Variants in MACROD2 observed in about 807,000 individuals in gnomAD.
MACROD2 encodes mono-ADP ribosylhydrolase 2.
MACROD2 carries 36 observed loss-of-function variants against 70.4 expected under a neutral mutation model. That is an observed-to-expected ratio of 0.51 (90% CI 0.39 to 0.68). MACROD2 has a LOEUF of 0.68. Among genes scored for constraint, MACROD2 ranks in the 30% least tolerant of loss-of-function variants. The probability of loss-of-function intolerance (pLI) is 0.00; values close to 1 mark genes in which losing one functional copy is unlikely to be tolerated. For synonymous variants in MACROD2, 172 were observed against 178.8 expected (o/e 0.96, Z 0.30); for missense variants, 496 against 538.4 (o/e 0.92, Z 0.78).
chr20:15,021,105 CGTGTATGTGT>C (rs2075167704), intron 5 of MACROD2, among the ~76,000 whole-genome samples: 1 of 123,752 alleles, frequency 8.1e-6, no homozygotes, highest in Non-Finnish European at 1.7e-5. Context: ...TGTGTATACA[CGTGTATGTGT>C]ATACACGTGT....
chr20:15,894,212 C>T (rs542556639), intron 10 of MACROD2, among the ~76,000 whole-genome samples: 10 of 152,294 alleles, frequency 6.6e-5, no homozygotes, highest in African/African-American at 1.4e-4. Flanking sequence ...CCGGGGCTTC[C>T]GGTGCTAAGT....
intron 3 of MACROD2, among the ~76,000 whole-genome samples, chr20:14,364,022 T>C (rs996498664): frequency 2.0e-5 from 3 of 151,934 alleles, no homozygotes; most frequent in East Asian, 1.9e-4. Context: ...ATCCGAACTC[T>C]AGGGGTTTGG....
At chr20:15,530,428 GT>G (rs1412969014) in intron 8 of MACROD2, among the ~76,000 whole-genome samples, 1 of 151,966 alleles carries the variant, frequency 6.6e-6, no homozygotes, top group South Asian at 2.1e-4. Flanking sequence ...TTTCCAAGCT[GT>G]TTTTTTAATT....
At chr20:14,931,088 C>T (rs1465666150) in intron 5 of MACROD2, among the ~76,000 whole-genome samples, 1 of 151,958 alleles carries the variant, frequency 6.6e-6, no homozygotes, top group Non-Finnish European at 1.5e-5. Context: ...AGATGAGGTC[C>T]TTATTCTAGT....
intron 4 of MACROD2, among the ~76,000 whole-genome samples, chr20:14,638,315 A>G (rs1984895972): frequency 6.6e-6 from 1 of 152,308 alleles, no homozygotes; most frequent in Non-Finnish European, 1.5e-5. Flanking sequence ...AATTTCTCTC[A>G]GTTATGACTA....
rs181383143 is a variant in MACROD2 at position 15,171,940 on chromosome 20, T to G, written c.419-58000T>G. 7.8e-4 allele frequency among the ~76,000 whole-genome samples: 119 copies of G among 152,348 alleles called. 1 individual carries two copies. Among genetic ancestry groups the G allele is most frequent in the African/African-American group, 2.6e-3 (107 of 41,580 alleles). ...TACCTTGCACATGGAAGGTGCTTATTAAATTCTTCCTGAATAAATAAATGA... is the reference window on the plus strand; with the variant it reads ...TACCTTGCACATGGAAGGTGCTTATGAAATTCTTCCTGAATAAATAAATGA... On this transcript the variant is annotated intron_variant, in intron 5 of 17. Coordinates refer to ENST00000684519, the MANE Select transcript of MACROD2 (RefSeq NM_001351661.2).
At chr20:15,616,091 C>G (rs1310256941) in intron 8 of MACROD2, among the ~76,000 whole-genome samples, 1 of 150,216 alleles carries the variant, frequency 6.7e-6, no homozygotes, top group Non-Finnish European at 1.5e-5. Flanking sequence ...TCCATCAGTT[C>G]CCCATTCTTT....
intron 8 of MACROD2, among the ~76,000 whole-genome samples, chr20:15,842,055 GAGAA>G (rs2064176837): frequency 1.3e-5 from 2 of 152,098 alleles, no homozygotes; most frequent in Admixed American, 6.6e-5. Context: ...ATGGTCCCAA[GAGAA>G]GAGTCCATGA....
At chr20:14,649,003 T>C (rs905749754) in intron 4 of MACROD2, among the ~76,000 whole-genome samples, 2 of 152,156 alleles carry the variant, frequency 1.3e-5, no homozygotes, top group African/African-American at 4.8e-5. Flanking sequence ...CTGAAATTCA[T>C]GTTTTCTTGG....
At chr20:15,291,516 T>C (rs1256283857) in intron 6 of MACROD2, among the ~76,000 whole-genome samples, 5 of 152,248 alleles carry the variant, frequency 3.3e-5, no homozygotes, top group Non-Finnish European at 7.3e-5. Context: ...TAATTGCATT[T>C]TCTTCCATCT....
intron 8 of MACROD2, among the ~76,000 whole-genome samples, chr20:15,857,270 G>T (rs866310220): frequency 9.2e-5 from 14 of 152,196 alleles, no homozygotes; most frequent in African/African-American, 3.1e-4. Flanking sequence ...AGGGCCAGAA[G>T]TATGTCAGCA....
intron 8 of MACROD2, among the ~76,000 whole-genome samples, chr20:15,579,296 G>A (rs1019792523): frequency 1.7e-4 from 24 of 137,768 alleles, no homozygotes; most frequent in Non-Finnish European, 3.0e-4. Context: ...TTATCAAATT[G>A]TCCCAAAGAG....
At chr20:14,770,989 G>T (rs1400791706) in intron 5 of MACROD2, among the ~76,000 whole-genome samples, 1 of 152,050 alleles carries the variant, frequency 6.6e-6, no homozygotes, top group Admixed American at 6.6e-5. Context: ...GTTAACTCTT[G>T]GTGGCTTTAT....
intron 4 of MACROD2, among the ~76,000 whole-genome samples, chr20:14,501,628 A>C (rs1028393951): frequency 1.3e-5 from 2 of 152,056 alleles, no homozygotes; most frequent in Non-Finnish European, 2.9e-5. Flanking sequence ...TTATATTTGT[A>C]TGTTTCATAA....
chr20:15,288,863 G>GTCTATCTATCTA (rs1172385837), intron 6 of MACROD2, among the ~76,000 whole-genome samples: 358 of 132,370 alleles, frequency 2.7e-3, no homozygotes, highest in African/African-American at 4.2e-3. Flanking sequence ...ATGTCTGTCT[G>GTCTATCTATCTA]TCTGTCTATC....
intron 3 of MACROD2, among the ~76,000 whole-genome samples, chr20:14,183,619 G>A (rs1199954403): frequency 6.6e-6 from 1 of 151,960 alleles, no homozygotes; most frequent in East Asian, 1.9e-4. Flanking sequence ...AGTGGTTGAA[G>A]TAATTAATAC....
intron 3 of MACROD2, among the ~76,000 whole-genome samples, chr20:14,099,840 A>G (rs1283290736): frequency 6.6e-6 from 1 of 152,150 alleles, no homozygotes; most frequent in Non-Finnish European, 1.5e-5. Context: ...GTTTTTAAAA[A>G]TAGTGCATAA....
intron 4 of MACROD2, among the ~76,000 whole-genome samples, chr20:14,628,202 T>C (rs746762201): frequency 1.3e-5 from 2 of 152,160 alleles, no homozygotes; most frequent in African/African-American, 2.4e-5. Flanking sequence ...TAGTGTGAGG[T>C]GCAGAGAGCT....
intron 17 of MACROD2, 119 bp downstream of exon 17, chr20:16,044,758 C>T: frequency 1.2e-6 from 1 of 855,772 alleles, no homozygotes; most frequent in Non-Finnish European, 1.9e-6. Flanking sequence ...TTGGGATAAA[C>T]CTTGAAAATC....
Sources: allele counts gnomAD v4.1 joint callset (sites outside exome capture counted in the v4.1 genomes callset), GRCh38; gene constraint gnomAD v4.1.1; transcripts MANE v1.5; gene names NCBI Gene and HGNC (gene_info 2026-07-23, HGNC 2026-07-21).